The following TJP2 variants were observed in gnomAD, a reference collection of about 807,000 sequenced individuals.
TJP2 encodes tight junction protein 2.
In TJP2, 91 loss-of-function variants were observed where a neutral mutation model predicts 133.1. The observed-to-expected ratio is 0.68, with a 90% confidence interval of 0.58 to 0.81. The LOEUF (loss-of-function observed/expected upper bound fraction) is 0.81. Ranked by LOEUF, TJP2 falls within the 40% of genes least tolerant of loss-of-function variation. The pLI, the probability that TJP2 is intolerant of heterozygous loss-of-function variation, is 0.00. For synonymous variants in TJP2, 592 were observed against 583.4 expected (o/e 1.01, Z -0.21); for missense variants, 1,541 against 1,565.6 (o/e 0.98, Z 0.26).
At chr9:69,227,127 AT>A (rs5898066) in intron 7 of TJP2, among the ~76,000 whole-genome samples, 128,365 of 151,540 alleles carry the variant, frequency 0.85, 54,802 homozygotes, top group East Asian at 0.9. Context: ...ACTTTTGTTG[AT>A]TTTTTTTTTT....
chr9:69,220,418 A>G (rs921800886), intron 4 of TJP2, among the ~76,000 whole-genome samples: 10 of 152,210 alleles, frequency 6.6e-5, no homozygotes, highest in Non-Finnish European at 1.0e-4. Flanking sequence ...GCTATTTTGG[A>G]ATGTACAGTA....
At chr9:69,223,368 C>T (rs113816879) in intron 5 of TJP2, among the ~76,000 whole-genome samples, 2,311 of 152,202 alleles carry the variant, frequency 0.015, 55 homozygotes, top group African/African-American at 0.052. Flanking sequence ...AGTGCAGTGG[C>T]GCGATCTCGG....
At chr9:69,195,976 T>C (rs1490746078) in intron 1 of TJP2, among the ~76,000 whole-genome samples, 2 of 152,214 alleles carry the variant, frequency 1.3e-5, no homozygotes, top group African/African-American at 4.8e-5. Context: ...GTGTTTGTTT[T>C]TTAAGAGACA....
upstream of TJP2, among the ~76,000 whole-genome samples, chr9:69,170,535 G>A (rs1015224006): frequency 1.3e-4 from 20 of 152,156 alleles, no homozygotes; most frequent in Non-Finnish European, 2.6e-4. Context: ...GGCATATAGT[G>A]AAGTGCTGCC....
intron 1 of TJP2, among the ~76,000 whole-genome samples, chr9:69,133,612 C>T (rs11999809): frequency 0.018 from 2,528 of 137,388 alleles, 80 homozygotes; most frequent in African/African-American, 0.065. Context: ...AGTACAGTGG[C>T]GCGATCTCGG....
At chr9:69,232,319 C>T (rs759274426) in intron 11 of TJP2, among the ~76,000 whole-genome samples, 19 of 152,136 alleles carry the variant, frequency 1.2e-4, no homozygotes, top group Non-Finnish European at 1.9e-4. Context: ...CCTACGAGGG[C>T]GGAGAAGCTG....
In TJP2 at chr9:69,212,596, C is replaced by A. The variant is rs1828001985; in HGVS notation, c.109C>A (p.Gln37Lys). The A allele has an allele frequency of 1.2e-6, 2 of 1,610,802 alleles. No homozygotes were observed. Among genetic ancestry groups the A allele is most frequent in the East Asian group, 4.5e-5 (2 of 44,840 alleles). ...ATGGGAACAGTACACTGTGACCCTA[C>A]AAAAGGTGAGTTCTGCACATTTCAT... ...LIWEQYTVTL[Q>K]KDSKRGFGIA... Residue 37 changes from glutamine (Q) to lysine (K), a missense_variant, in exon 2 of 23, where the codon CAA (glutamine) becomes AAA (lysine). Coordinates refer to ENST00000377245, the MANE Select transcript of TJP2 (RefSeq NM_004817.4).
chr9:69,215,715 A>G (rs1056772833), intron 2 of TJP2, among the ~76,000 whole-genome samples: 8 of 151,894 alleles, frequency 5.3e-5, no homozygotes, highest in Admixed American at 1.3e-4. Flanking sequence ...ATATGTCAAA[A>G]CATCACAATA....
chr9:69,185,881 C>CTTTTTTTTTTTTTTTTTTTT (rs34030534), intron 1 of TJP2, among the ~76,000 whole-genome samples: 1 of 135,432 alleles, frequency 7.4e-6, no homozygotes, highest in African/African-American at 2.7e-5. Context: ...TAATGTAGTC[C>CTTTTTTTTTTTTTTTTTTTT]TTTTTTTTTT....
At chr9:69,141,021 A>AT (rs1337006789) in intron 1 of TJP2, among the ~76,000 whole-genome samples, 4 of 151,664 alleles carry the variant, frequency 2.6e-5, no homozygotes, top group East Asian at 3.9e-4. Flanking sequence ...TAATTTTTGT[A>AT]TTTTTTTAGT....
intron 1 of TJP2, chr9:69,205,310 T>C: frequency 6.5e-7 from 1 of 1,535,170 alleles, no homozygotes; most frequent in Non-Finnish European, 8.7e-7. Flanking sequence ...AAAACCATTC[T>C]CACAGTGAGT....
intron 1 of TJP2, among the ~76,000 whole-genome samples, chr9:69,195,201 G>GT (rs141464272): frequency 1.3e-5 from 2 of 152,178 alleles, no homozygotes; most frequent in Non-Finnish European, 2.9e-5. Flanking sequence ...ATGTATGTTT[G>GT]TTTTTTTAAA....
At chr9:69,151,595 T>G in intron 1 of TJP2, 1 of 1,229,922 alleles carries the variant, frequency 8.1e-7, no homozygotes, top group Middle Eastern at 3.1e-4. Flanking sequence ...TTTCCCAAAA[T>G]CTTACCATTG....
intron 1 of TJP2, among the ~76,000 whole-genome samples, chr9:69,138,889 C>A (rs766042089): frequency 6.6e-6 from 1 of 151,898 alleles, no homozygotes; most frequent in Non-Finnish European, 1.5e-5. Context: ...TGCACTCCAG[C>A]CTGGGTGACA....
intron 1 of TJP2, among the ~76,000 whole-genome samples, chr9:69,140,833 G>A (rs1205864205): frequency 5.3e-5 from 8 of 152,156 alleles, no homozygotes; most frequent in Non-Finnish European, 1.0e-4. Flanking sequence ...CACATAAGGA[G>A]TTCAAAGTTT....
chr9:69,161,905 G>A (rs1305690542), intron 2 of TJP2, among the ~76,000 whole-genome samples: 5 of 149,736 alleles, frequency 3.3e-5, no homozygotes, highest in African/African-American at 7.3e-5. Context: ...AAAATTAGCC[G>A]GCGTGGTGGT....
At chr9:69,219,707 A>G (rs1828663632) in intron 4 of TJP2, among the ~76,000 whole-genome samples, 1 of 152,152 alleles carries the variant, frequency 6.6e-6, no homozygotes, top group Non-Finnish European at 1.5e-5. Flanking sequence ...TACAGGTGTG[A>G]GCCACCATAC....
In TJP2 at chr9:69,221,008, A is replaced by G. The variant is rs1480514436; in HGVS notation, c.464A>G (p.Tyr155Cys). The change falls in exon 5 of 23, where the codon TAC becomes TGC. Residue 155 changes from tyrosine to cysteine, a missense_variant. Tyr to Cys is a radical substitution (Grantham distance 194, BLOSUM62 -2). Transcript: ENST00000377245. Reference protein sequence around the residue: ...EFDGRSFRSGYSERSRLNSHG... With the variant: ...EFDGRSFRSGCSERSRLNSHG... ...GATGGCAGAAGTTTCCGGAGTGGCT[A>G]CAGCGAGAGGAGCCGGCTGAACAGC... The G allele has an allele frequency of 1.2e-6, 2 of 1,611,604 alleles. No homozygotes were observed. The highest frequency in any genetic ancestry group is 1.7e-6 in the Non-Finnish European group (2 of 1,179,436).
At chr9:69,132,872 C>T (rs1393559422) in intron 1 of TJP2, among the ~76,000 whole-genome samples, 3 of 152,286 alleles carry the variant, frequency 2.0e-5, no homozygotes, top group South Asian at 2.1e-4. Context: ...GGAATCACAC[C>T]TCTACTACTT....
Sources: allele counts gnomAD v4.1 joint callset (sites outside exome capture counted in the v4.1 genomes callset), GRCh38; gene constraint gnomAD v4.1.1; transcripts MANE v1.5; gene names NCBI Gene and HGNC (gene_info 2026-07-23, HGNC 2026-07-21).